CSMD1: variants seen among roughly 807,000 people sequenced by gnomAD.
CSMD1 encodes CUB and Sushi multiple domains 1.
A neutral mutation model predicts 417.5 loss-of-function variants in CSMD1; 213 were observed. That is an observed-to-expected ratio of 0.51 (90% CI 0.46 to 0.57). The LOEUF (loss-of-function observed/expected upper bound fraction) is 0.57, where lower values mean the gene tolerates loss of function less well. CSMD1 is among the 20% of genes least tolerant of loss of function. CSMD1 has a pLI of 0.00. For missense variants in CSMD1, 6,923 were observed against 4,529.7 expected (o/e 1.53, Z -15.17); for synonymous variants, 2,862 against 1,736.8 (o/e 1.65, Z -16.11).
At chr8:4,276,439 G>A (rs117563167) in intron 3 of CSMD1, among the ~76,000 whole-genome samples, 5 of 152,134 alleles carry the variant, frequency 3.3e-5, no homozygotes, top group Admixed American at 6.6e-5. Context: ...ACTCATGGAC[G>A]CTTGGAGGGG....
chr8:3,203,549 A>C (rs758656535), intron 31 of CSMD1, among the ~76,000 whole-genome samples: 1 of 152,234 alleles, frequency 6.6e-6, no homozygotes, highest in Non-Finnish European at 1.5e-5. Context: ...CGAACGGAAT[A>C]CAAAAAGCAA....
intron 3 of CSMD1, among the ~76,000 whole-genome samples, chr8:4,121,071 G>C (rs1314944798): frequency 1.3e-5 from 2 of 151,760 alleles, no homozygotes; most frequent in African/African-American, 2.4e-5. Context: ...GACTGGGTCT[G>C]TTTGTCAAGG....
intron 49 of CSMD1, among the ~76,000 whole-genome samples, chr8:3,082,240 C>G (rs547220627): frequency 6.6e-6 from 1 of 152,174 alleles, no homozygotes; most frequent in East Asian, 1.9e-4. Context: ...CATTATGCCA[C>G]GGAAAGATCA....
intron 10 of CSMD1, among the ~76,000 whole-genome samples, chr8:3,521,738 GT>G (rs1797516971): frequency 6.6e-6 from 1 of 152,176 alleles, no homozygotes; most frequent in African/African-American, 2.4e-5. Context: ...CCTCAAAGAT[GT>G]TAAGTAAATT....
intron 2 of CSMD1, among the ~76,000 whole-genome samples, chr8:4,445,930 G>A (rs1347308571): frequency 6.6e-6 from 1 of 152,132 alleles, no homozygotes; most frequent in Non-Finnish European, 1.5e-5. Context: ...CTTTCAGCTG[G>A]TCAGAGAAAA....
intron 3 of CSMD1, among the ~76,000 whole-genome samples, chr8:4,376,285 G>A (rs1802728985): frequency 6.6e-6 from 1 of 152,120 alleles, no homozygotes; most frequent in Non-Finnish European, 1.5e-5. Flanking sequence ...ATGACCTGTG[G>A]CCATTGTAGA....
Position 3,343,415 on chromosome 8 carries a change from C to G in CSMD1, c.3510G>C (p.Leu1170=). 1.2e-6 allele frequency: 2 copies of G among 1,613,758 alleles called. No homozygotes were observed. Among genetic ancestry groups the G allele is most frequent in the Non-Finnish European group, 1.7e-6 (2 of 1,179,744 alleles). Residue 1170 remains leucine (L), a synonymous_variant, in exon 23 of 70, where the codon CTG becomes CTC. Transcript: ENST00000635120. ...GAAGTTCATTTTTAGTGAACGTGCCCAGTGGACGTGAGGAACTGTCTTTTC... is the reference window on the plus strand; with the variant it reads ...GAAGTTCATTTTTAGTGAACGTGCCGAGTGGACGTGAGGAACTGTCTTTTC... The part of the protein sequence containing the change: ...YDGKDSSSRP[L]GTFTKNELLG...
At chr8:4,182,229 T>C (rs1482055960) in intron 3 of CSMD1, among the ~76,000 whole-genome samples, 3 of 152,134 alleles carry the variant, frequency 2.0e-5, no homozygotes, top group South Asian at 2.1e-4. Flanking sequence ...AAACTTATGA[T>C]ACATAAGAAA....
At chr8:4,150,708 G>A (rs1044611186) in intron 3 of CSMD1, among the ~76,000 whole-genome samples, 1 of 152,128 alleles carries the variant, frequency 6.6e-6, no homozygotes, top group African/African-American at 2.4e-5. Context: ...CTTAGGGTGT[G>A]GAAAGCAGAT....
intron 7 of CSMD1, among the ~76,000 whole-genome samples, chr8:3,630,141 T>C (rs1297465943): frequency 1.3e-5 from 2 of 152,238 alleles, no homozygotes; most frequent in South Asian, 4.1e-4. Context: ...TTATTCAACA[T>C]CCAGTCAGTG....
At chr8:3,466,067 A>C (rs1816776477) in intron 12 of CSMD1, among the ~76,000 whole-genome samples, 2 of 152,176 alleles carry the variant, frequency 1.3e-5, no homozygotes, top group African/African-American at 4.8e-5. Flanking sequence ...TGTAGAAAAA[A>C]TCTCAAAATT....
At chr8:3,276,371 G>A (rs989892394) in intron 26 of CSMD1, among the ~76,000 whole-genome samples, 3 of 152,190 alleles carry the variant, frequency 2.0e-5, no homozygotes, top group Admixed American at 6.5e-5. Flanking sequence ...TGTCGTTCAC[G>A]CTGGGAGCTG....
intron 40 of CSMD1, among the ~76,000 whole-genome samples, chr8:3,146,271 C>G (rs545231351): frequency 2.6e-5 from 4 of 151,790 alleles, no homozygotes; most frequent in Non-Finnish European, 4.4e-5. Flanking sequence ...AAACGGAGAC[C>G]GAAATCCTGA....
At chr8:4,800,285 G>C (rs745336880) in intron 1 of CSMD1, among the ~76,000 whole-genome samples, 7 of 151,880 alleles carry the variant, frequency 4.6e-5, no homozygotes, top group Non-Finnish European at 8.8e-5. Context: ...CAAAAAATTA[G>C]CTGGGCATGG....
In CSMD1 at chr8:4,633,177, G is replaced by C. The variant is rs147092441; in HGVS notation, c.302+4165C>G. On this transcript the variant is annotated intron_variant, in intron 2 of 69. Transcript: ENST00000635120. ...AGCCTGTGCCAGGACAGGAGCCTTCGTAGGAACATTTACTATTAGGATCAA... is the reference window on the plus strand; with the variant it reads ...AGCCTGTGCCAGGACAGGAGCCTTCCTAGGAACATTTACTATTAGGATCAA... Among the ~76,000 whole-genome samples, 748 of 146,132 alleles carry C rather than the reference G, an allele frequency of 5.1e-3. 7 individuals carry two copies. The highest frequency in any genetic ancestry group is 0.042 in the Middle Eastern group (12 of 284).
At position 3,729,939 on chromosome 8, in the gene CSMD1, A is replaced by C. The variant is rs1160751352; in HGVS notation, c.932-21448T>G. On this transcript the variant is annotated intron_variant, in intron 6 of 69. Coordinates refer to ENST00000635120, the MANE Select transcript of CSMD1 (RefSeq NM_033225.6). ...ATTCAAAGTAAAAAAAAAAAAAAAA[A>C]AAAAAAAAAAAAAAAAAAAAAACAA... 6.1e-5 allele frequency among the ~76,000 whole-genome samples: 3 copies of C among 48,964 alleles called. 1 individual carries two copies. The highest frequency in any genetic ancestry group is 1.4e-4 in the African/African-American group (3 of 21,054). 32.1% of individuals were successfully genotyped at this position (48,964 alleles called of 152,430 possible).
chr8:4,704,331 C>A (rs1290974735), intron 1 of CSMD1, among the ~76,000 whole-genome samples: 1 of 152,200 alleles, frequency 6.6e-6, no homozygotes, highest in East Asian at 1.9e-4. Context: ...ACTGTACTCA[C>A]AAATCAGTTG....
intron 3 of CSMD1, among the ~76,000 whole-genome samples, chr8:4,158,343 T>C (rs539886567): frequency 6.6e-6 from 1 of 152,016 alleles, no homozygotes; most frequent in Admixed American, 6.5e-5. Flanking sequence ...CAAAAATACA[T>C]TGCAAAGAAA....
At chr8:4,704,139 G>A (rs936345732) in intron 1 of CSMD1, among the ~76,000 whole-genome samples, 2 of 152,158 alleles carry the variant, frequency 1.3e-5, no homozygotes, top group African/African-American at 2.4e-5. Flanking sequence ...GTGGGGACCC[G>A]TGATCTAGCT....
Sources: allele counts gnomAD v4.1 joint callset (sites outside exome capture counted in the v4.1 genomes callset), GRCh38; gene constraint gnomAD v4.1.1; transcripts MANE v1.5; gene names NCBI Gene and HGNC (gene_info 2026-07-23, HGNC 2026-07-21).